PLCXD3: variants seen among roughly 807,000 people sequenced by gnomAD.
PLCXD3 encodes phosphatidylinositol specific phospholipase C X domain containing 3.
In PLCXD3, 19 loss-of-function variants were observed where a neutral mutation model predicts 25.5. The observed-to-expected ratio is 0.75, with a 90% CI of 0.52 to 1.09. The LOEUF (loss-of-function observed/expected upper bound fraction) is 1.09, where lower values mean the gene tolerates loss of function less well. Ranked by LOEUF, PLCXD3 falls within the 50% of genes least tolerant of loss-of-function variation. The pLI, the probability that PLCXD3 is intolerant of heterozygous loss-of-function variation, is 0.00. For synonymous variants in PLCXD3, 174 were observed against 137.6 expected (o/e 1.26, Z -1.85); for missense variants, 411 against 388.1 (o/e 1.06, Z -0.50).
chr5:41,486,341 A>G (rs1040807745), intron 1 of PLCXD3, among the ~76,000 whole-genome samples: 3 of 152,004 alleles, frequency 2.0e-5, no homozygotes, highest in African/African-American at 7.2e-5. Context: ...TATTCTCCCA[A>G]TCACGTGTCA....
intron 1 of PLCXD3, among the ~76,000 whole-genome samples, chr5:41,510,213 T>C (rs961723398): frequency 2.6e-5 from 4 of 152,154 alleles, no homozygotes; most frequent in Non-Finnish European, 5.9e-5. Flanking sequence ...AGCAGTCACC[T>C]TGACTCTAGC....
chr5:41,460,212 C>G (rs755262944), intron 1 of PLCXD3, among the ~76,000 whole-genome samples: 4 of 151,878 alleles, frequency 2.6e-5, no homozygotes, highest in Non-Finnish European at 5.9e-5. Flanking sequence ...ATGTTCATTC[C>G]TAGCACTCCA....
chr5:41,404,212 C>T (rs904188312), intron 1 of PLCXD3, among the ~76,000 whole-genome samples: 4 of 152,122 alleles, frequency 2.6e-5, no homozygotes, highest in East Asian at 1.9e-4. Flanking sequence ...GATCATCAAA[C>T]CTTCTAGCTC....
At chr5:41,341,959 T>A (rs1744164770) in intron 2 of PLCXD3, among the ~76,000 whole-genome samples, 1 of 152,188 alleles carries the variant, frequency 6.6e-6, no homozygotes, top group Admixed American at 6.5e-5. Flanking sequence ...TTCCACCATC[T>A]ACAAGAAGGC....
chr5:41,437,832 A>G (rs913202497), intron 1 of PLCXD3, among the ~76,000 whole-genome samples: 4 of 152,172 alleles, frequency 2.6e-5, no homozygotes, highest in African/African-American at 9.7e-5. Context: ...ATGGGAAGAA[A>G]TTGGATTATA....
intron 1 of PLCXD3, among the ~76,000 whole-genome samples, chr5:41,508,538 G>A (rs1280848754): frequency 6.6e-6 from 1 of 152,178 alleles, no homozygotes; most frequent in East Asian, 1.9e-4. Flanking sequence ...CTGCTTCATG[G>A]GGTTTTAGAA....
At chr5:41,358,333 G>C (rs1187766323) in intron 2 of PLCXD3, among the ~76,000 whole-genome samples, 1 of 152,016 alleles carries the variant, frequency 6.6e-6, no homozygotes, top group Non-Finnish European at 1.5e-5. Context: ...GTAGGTTTTT[G>C]GGGAACAGGT....
chr5:41,473,864 A>C (rs960246641), intron 1 of PLCXD3, among the ~76,000 whole-genome samples: 22 of 152,146 alleles, frequency 1.4e-4, no homozygotes, highest in African/African-American at 5.3e-4. Flanking sequence ...ACCATTACAC[A>C]ATGACTTGGG....
At chr5:41,326,314 T>C (rs1401866821) in intron 2 of PLCXD3, among the ~76,000 whole-genome samples, 1 of 151,784 alleles carries the variant, frequency 6.6e-6, no homozygotes, top group East Asian at 1.9e-4. Flanking sequence ...CTATGTTCCT[T>C]TTTTGTGTGT....
chr5:41,382,230 A>G lies in PLCXD3; in HGVS notation c.408T>C (p.His136=). The change falls in exon 2 of 3, where the codon CAT becomes CAC. Residue 136 remains histidine, a synonymous_variant. Coordinates refer to ENST00000377801, the MANE Select transcript of PLCXD3 (RefSeq NM_001005473.3). The part of the protein sequence containing the change: ...EEINAFLTDH[H]KEVVFLDFNH... ...TGAAGTCCAAGAACACTACCTCCTT[A>G]TGGTGATCTGTGAGGAATGCATTGA... 1.2e-6 allele frequency: 2 copies of G among 1,613,762 alleles called. No homozygotes were observed. The highest frequency in any genetic ancestry group is 8.5e-7 in the Non-Finnish European group (1 of 1,179,778).
At chr5:41,509,146 C>T (rs1396933992) in intron 1 of PLCXD3, among the ~76,000 whole-genome samples, 1 of 152,088 alleles carries the variant, frequency 6.6e-6, no homozygotes, top group Non-Finnish European at 1.5e-5. Context: ...TCAAAATAAC[C>T]CTTCTTTTGT....
rs1743025649 is a variant in PLCXD3, at chr5:41,307,182, C to T, written c.*6435G>A. The T allele has an allele frequency of 6.6e-6, 1 of 152,540 alleles. No individual in the cohort carries two copies. Among genetic ancestry groups the T allele is most frequent in the Non-Finnish European group, 1.5e-5 (1 of 68,016 alleles). The allele number at this position is 152,540 out of a possible 1,614,324, so 9.4% of individuals were successfully genotyped here. ...TGGTGTCTAATGAAGGAAATGTCAC[C>T]AGCTCTGCAAATTCCCATCCTCCAG... On this transcript the variant is annotated 3_prime_UTR_variant, in exon 3 of 3. Transcript: ENST00000377801.
intron 1 of PLCXD3, among the ~76,000 whole-genome samples, chr5:41,458,133 C>T (rs1747797945): frequency 6.6e-6 from 1 of 151,818 alleles, no homozygotes; most frequent in Non-Finnish European, 1.5e-5. Context: ...TCCCTCATCC[C>T]ACGCCTGCTA....
At chr5:41,396,354 G>T (rs569345439) in intron 1 of PLCXD3, among the ~76,000 whole-genome samples, 1 of 151,946 alleles carries the variant, frequency 6.6e-6, no homozygotes, top group Non-Finnish European at 1.5e-5. Context: ...GCTCCACCAT[G>T]GTAAGACATG....
At chr5:41,379,913 C>T (rs1351104796) in intron 2 of PLCXD3, among the ~76,000 whole-genome samples, 1 of 151,980 alleles carries the variant, frequency 6.6e-6, no homozygotes, top group Non-Finnish European at 1.5e-5. Flanking sequence ...GAAAGTCATG[C>T]ACTTTCATAG....
At chr5:41,391,183 C>T (rs1425124140) in intron 1 of PLCXD3, among the ~76,000 whole-genome samples, 5 of 152,120 alleles carry the variant, frequency 3.3e-5, no homozygotes, top group Non-Finnish European at 5.9e-5. Context: ...GAATTCAGCC[C>T]AGGGACAGTG....
At chr5:41,415,694 C>T (rs1746676708) in intron 1 of PLCXD3, among the ~76,000 whole-genome samples, 1 of 152,158 alleles carries the variant, frequency 6.6e-6, no homozygotes, top group Non-Finnish European at 1.5e-5. Flanking sequence ...ATTTATTTTG[C>T]AGTCCCTACA....
chr5:41,504,135 C>T (rs1011248424), intron 1 of PLCXD3, among the ~76,000 whole-genome samples: 1 of 152,036 alleles, frequency 6.6e-6, no homozygotes, highest in African/African-American at 2.4e-5. Flanking sequence ...TTACATTATC[C>T]CAGCCTGCTC....
intron 1 of PLCXD3, among the ~76,000 whole-genome samples, chr5:41,432,353 A>G (rs1262939386): frequency 6.6e-6 from 1 of 152,130 alleles, no homozygotes; most frequent in East Asian, 1.9e-4. Flanking sequence ...AAGCTTTAAA[A>G]ACCCTGTATT....
Sources: allele counts gnomAD v4.1 joint callset (sites outside exome capture counted in the v4.1 genomes callset), GRCh38; gene constraint gnomAD v4.1.1; transcripts MANE v1.5; gene names NCBI Gene and HGNC (gene_info 2026-07-23, HGNC 2026-07-21).